The following FRMPD4 variants were observed in gnomAD, a reference collection of about 807,000 sequenced individuals.
FRMPD4 encodes FERM and PDZ domain-containing protein 4.
FRMPD4 carries 22 observed loss-of-function variants against 94.1 expected under a neutral mutation model. The observed-to-expected ratio is 0.23, with a 90% CI of 0.17 to 0.33. FRMPD4 has a LOEUF of 0.33. Among genes scored for constraint, FRMPD4 ranks in the 10% least tolerant of loss-of-function variants. The pLI is 1.00. For missense variants in FRMPD4, 1,111 were observed against 1,339.9 expected, an observed-to-expected ratio of 0.83 and a Z score of 2.67; for synonymous variants, 631 against 548.6, an observed-to-expected ratio of 1.15 and a Z score of -2.10.
chrX:12,345,032 G>C lies in FRMPD4; in HGVS notation c.42-153648G>C, dbSNP rs1310313407. ...AAATTCCAGGCCTCATCCCAATCAG[G>C]CATTCAGTGGGTAGATGGATAATGG... On this transcript the variant is annotated intron_variant, in intron 1 of 16. Coordinates refer to ENST00000675598, the MANE Select transcript of FRMPD4 (RefSeq NM_001368397.1). 2.7e-5 allele frequency among the ~76,000 whole-genome samples: 3 copies of C among 112,152 alleles called. No homozygotes were observed. The East Asian group carries it at 8.4e-4, about 31-fold the overall frequency.
At chrX:12,175,860 C>A (rs770779060) in intron 1 of FRMPD4, among the ~76,000 whole-genome samples, 3 of 111,559 alleles carry the variant, frequency 2.7e-5, no homozygotes, top group African/African-American at 9.8e-5. Flanking sequence ...GTTGAGCCCT[C>A]AAGTTTAAGA....
At chrX:11,888,033 A>T (rs758691596) in intron 3 of FRMPD4, among the ~76,000 whole-genome samples, 13 of 112,756 alleles carry the variant, frequency 1.2e-4, no homozygotes, top group African/African-American at 3.5e-4. Context: ...AAAGAATATT[A>T]TAAAACAAGT....
intron 1 of FRMPD4, among the ~76,000 whole-genome samples, chrX:12,168,135 T>C (rs1337552880): frequency 9.0e-6 from 1 of 110,973 alleles, no homozygotes; most frequent in Non-Finnish European, 1.9e-5. Flanking sequence ...GCACTGCCAA[T>C]ATTGAAAAAC....
At chrX:11,992,141 A>G (rs907424996) in intron 3 of FRMPD4, among the ~76,000 whole-genome samples, 3 of 65,221 alleles carry the variant, frequency 4.6e-5, no homozygotes, top group Non-Finnish European at 5.9e-5. Flanking sequence ...TAATTAAAAG[A>G]GAAAAAAAAA....
chrX:12,658,379 T>C (rs933769716), intron 4 of FRMPD4, among the ~76,000 whole-genome samples: 2 of 111,916 alleles, frequency 1.8e-5, no homozygotes, highest in African/African-American at 6.5e-5. Flanking sequence ...TGGACATGCA[T>C]AGAGGCAGGA....
chrX:12,415,881 G>A (rs1304438086), intron 1 of FRMPD4, among the ~76,000 whole-genome samples: 1 of 112,019 alleles, frequency 8.9e-6, no homozygotes, highest in Non-Finnish European at 1.9e-5. Context: ...CAAGGCCATG[G>A]TATATTTGTA....
chrX:12,258,203 A>G (rs891607874), intron 1 of FRMPD4, among the ~76,000 whole-genome samples: 1 of 111,304 alleles, frequency 9.0e-6, no homozygotes, highest in Non-Finnish European at 1.9e-5. Context: ...TGTGTCACCC[A>G]AAGCTCTTGT....
intron 1 of FRMPD4, among the ~76,000 whole-genome samples, chrX:12,146,797 C>T (rs2055775568): frequency 8.9e-6 from 1 of 112,305 alleles, no homozygotes; most frequent in Admixed American, 9.4e-5. Context: ...TTGCTTGATA[C>T]ACAAAACAGG....
intron 1 of FRMPD4, among the ~76,000 whole-genome samples, chrX:12,308,078 A>G (rs764445726): frequency 1.8e-5 from 2 of 112,026 alleles, no homozygotes; most frequent in South Asian, 7.6e-4. Flanking sequence ...GAATTACCTC[A>G]GCTGTGAGGT....
chrX:12,506,644 T>C (rs1029872424), intron 2 of FRMPD4, among the ~76,000 whole-genome samples: 1 of 112,788 alleles, frequency 8.9e-6, no homozygotes, highest in Non-Finnish European at 1.9e-5. Flanking sequence ...AGCAGGAATT[T>C]TACTAATCAT....
chrX:11,964,316 C>A (rs142473256), intron 3 of FRMPD4, among the ~76,000 whole-genome samples: 306 of 110,496 alleles, frequency 2.8e-3, no homozygotes, highest in African/African-American at 9.9e-3. Context: ...CCCGCCACCA[C>A]ACCTGGCTAA....
At chrX:12,666,475 A>G (rs1049156522) in intron 4 of FRMPD4, among the ~76,000 whole-genome samples, 16 of 111,793 alleles carry the variant, frequency 1.4e-4, no homozygotes, top group African/African-American at 5.2e-4. Flanking sequence ...AACAGAATAT[A>G]CATCCTTCTT....
chrX:12,042,240 G>T (rs2054760158), intron 3 of FRMPD4, among the ~76,000 whole-genome samples: 1 of 108,339 alleles, frequency 9.2e-6, no homozygotes. Flanking sequence ...CCCAGAGTGT[G>T]GGAAACACTT....
chrX:12,098,122 A>T lies in FRMPD4; in HGVS notation c.95+220104A>T, dbSNP rs755635920. 6.2e-5 allele frequency among the ~76,000 whole-genome samples: 7 copies of T among 112,278 alleles called. No individual in the cohort carries two copies. In the South Asian group the frequency reaches 2.6e-3, roughly 41 times the overall value. ...AGGTAATATTTTAATTGACACTAGA[A>T]TGGCATTTGTTTGAGGACTGGTTAC... is the stretch of plus-strand genomic sequence containing the variant. On this transcript the variant is annotated intron_variant, in intron 3 of 18. Coordinates refer to the FRMPD4 transcript ENST00000640291.
intron 3 of FRMPD4, among the ~76,000 whole-genome samples, chrX:12,017,384 A>G (rs1209668694): frequency 8.9e-6 from 1 of 112,801 alleles, no homozygotes; most frequent in Non-Finnish European, 1.9e-5. Flanking sequence ...TCAGCAAGTC[A>G]GGAACTGGTT....
chrX:12,671,798 G>A (rs2148501589), intron 4 of FRMPD4, among the ~76,000 whole-genome samples: 1 of 111,180 alleles, frequency 9.0e-6, no homozygotes, highest in South Asian at 3.9e-4. Context: ...CTTGGAGGGT[G>A]CAATCATAAG....
intron 2 of FRMPD4, among the ~76,000 whole-genome samples, chrX:12,590,429 T>G (rs990399615): frequency 7.1e-5 from 8 of 112,095 alleles, no homozygotes; most frequent in Non-Finnish European, 1.3e-4. Context: ...CCTTCATTCA[T>G]AGTCTTGATT....
chrX:12,273,090 G>GA (rs771581382), intron 1 of FRMPD4, among the ~76,000 whole-genome samples: 7 of 106,687 alleles, frequency 6.6e-5, no homozygotes, highest in East Asian at 5.8e-4. Context: ...AAAAAAAAAA[G>GA]AAAAAAAAAT....
intron 3 of FRMPD4, among the ~76,000 whole-genome samples, chrX:12,042,875 C>T (rs1372130284): frequency 8.9e-6 from 1 of 112,009 alleles, no homozygotes; most frequent in Admixed American, 9.5e-5. Context: ...GACAACTTTG[C>T]TGAGCATGAG....
Sources: allele counts gnomAD v4.1 joint callset (sites outside exome capture counted in the v4.1 genomes callset), GRCh38; gene constraint gnomAD v4.1.1; transcripts MANE v1.5; gene names NCBI Gene and HGNC (gene_info 2026-07-23, HGNC 2026-07-21).